PLXNC1: variants seen among roughly 807,000 people sequenced by gnomAD.
PLXNC1 encodes plexin C1, also known as plexin-C1.
PLXNC1 carries 75 observed loss-of-function variants against 178.2 expected under a neutral mutation model. The observed-to-expected ratio is 0.42, with a 90% confidence interval of 0.35 to 0.51. The LOEUF is 0.51. Ranked by LOEUF, PLXNC1 falls within the 20% of genes least tolerant of loss-of-function variation. The pLI, the probability that PLXNC1 is intolerant of heterozygous loss-of-function variation, is 0.02. For missense variants in PLXNC1, 1,503 were observed against 1,984.4 expected (o/e 0.76, Z 4.61); for synonymous variants, 790 against 779.9 (o/e 1.01, Z -0.22).
At chr12:94,191,599 C>T (rs1176593531) in intron 4 of PLXNC1, among the ~76,000 whole-genome samples, 1 of 152,034 alleles carries the variant, frequency 6.6e-6, no homozygotes, top group African/African-American at 2.4e-5. Context: ...GCCTGGCCAA[C>T]ATGGTGAAAC....
At chr12:94,209,835 C>A (rs1963413150) in intron 5 of PLXNC1, 131 bp downstream of exon 5, 1 of 605,264 alleles carries the variant, frequency 1.7e-6, no homozygotes. Flanking sequence ...ATTCATTTAG[C>A]ACTCATTAAC....
chr12:94,191,230 A>G (rs1170194127), intron 4 of PLXNC1, among the ~76,000 whole-genome samples: 3 of 152,202 alleles, frequency 2.0e-5, no homozygotes, highest in South Asian at 2.1e-4. Flanking sequence ...CTGGCCTACA[A>G]TGAAATGAAA....
intron 7 of PLXNC1, among the ~76,000 whole-genome samples, chr12:94,224,673 G>A (rs1333883496): frequency 6.6e-6 from 1 of 152,180 alleles, no homozygotes; most frequent in African/African-American, 2.4e-5. Context: ...GGAGGCTGAG[G>A]TGGGCAGATC....
At chr12:94,249,451 C>T (rs1964617708) in intron 14 of PLXNC1, among the ~76,000 whole-genome samples, 1 of 152,110 alleles carries the variant, frequency 6.6e-6, no homozygotes, top group Non-Finnish European at 1.5e-5. Flanking sequence ...GCTGGCTGGT[C>T]CCAAACTCCT....
rs190542049 is a variant in PLXNC1, at chr12:94,213,052, G to T, written c.1554+3348G>T. 1.6e-3 allele frequency among the ~76,000 whole-genome samples: 242 copies of T among 152,322 alleles called. 1 individual carries two copies. Among genetic ancestry groups the T allele is most frequent in the African/African-American group, 5.5e-3 (228 of 41,574 alleles). ...ACATTTCCTTAATCCAGTCTATCAT[G>T]GATGGACATTTGGGTTGGTTCCAAG... On this transcript the variant is annotated intron_variant, in intron 5 of 30. Coordinates refer to ENST00000258526, the MANE Select transcript of PLXNC1 (RefSeq NM_005761.3).
intron 5 of PLXNC1, among the ~76,000 whole-genome samples, chr12:94,211,623 A>G (rs1565811953): frequency 1.3e-5 from 2 of 152,166 alleles, no homozygotes; most frequent in African/African-American, 2.4e-5. Context: ...CCTCCATATA[A>G]TAAGAACCTC....
chr12:94,160,947 T>C (rs1340029836), intron 1 of PLXNC1, among the ~76,000 whole-genome samples: 1 of 152,250 alleles, frequency 6.6e-6, no homozygotes, highest in Non-Finnish European at 1.5e-5. Context: ...CTTTGAGATA[T>C]CTGCAACAAC....
intron 17 of PLXNC1, among the ~76,000 whole-genome samples, chr12:94,256,876 C>T (rs76052594): frequency 0.058 from 7,922 of 136,626 alleles, 282 homozygotes; most frequent in Non-Finnish European, 0.067. Context: ...ATCCCAGGAA[C>T]AATGCTACCT....
intron 4 of PLXNC1, among the ~76,000 whole-genome samples, chr12:94,207,134 TAC>T (rs1181699137): frequency 6.6e-6 from 1 of 152,256 alleles, no homozygotes; most frequent in African/African-American, 2.4e-5. Flanking sequence ...CATCTGGTTA[TAC>T]ATACTTGGTG....
At chr12:94,160,317 T>C (rs1473634206) in intron 1 of PLXNC1, among the ~76,000 whole-genome samples, 1 of 152,150 alleles carries the variant, frequency 6.6e-6, no homozygotes, top group Non-Finnish European at 1.5e-5. Context: ...ATAGTGATTA[T>C]AGCATGGTGA....
chr12:94,264,087 C>A (rs1238666958), intron 20 of PLXNC1, among the ~76,000 whole-genome samples: 2 of 152,088 alleles, frequency 1.3e-5, no homozygotes, highest in African/African-American at 4.8e-5. Context: ...ACTTTGACTT[C>A]CCAGCCACGG....
Position 94,259,675 on chromosome 12 carries a change from C to T in PLXNC1, c.3192C>T (p.Ser1064=), listed in dbSNP as rs1249307305. The T allele has an allele frequency of 6.2e-7, 1 of 1,612,180 alleles. No individual in the cohort carries two copies. The highest frequency in any genetic ancestry group is 2.2e-5 in the East Asian group (1 of 44,818). The stretch of plus-strand genomic sequence containing the variant: ...TGGATGCCCTAATCTGTAATAAAAG[C>T]TTTCTTGTTACTGTCATCCACACCC... The part of the protein sequence containing the change: ...TALDALICNK[S]FLVTVIHTLE... Residue 1064 remains serine (S), a synonymous_variant, in exon 19 of 31, where the codon AGC becomes AGT. Coordinates refer to ENST00000258526, the MANE Select transcript of PLXNC1 (RefSeq NM_005761.3).
chr12:94,304,646 C>T (rs1240392155), intron 30 of PLXNC1, among the ~76,000 whole-genome samples: 1 of 152,090 alleles, frequency 6.6e-6, no homozygotes, highest in African/African-American at 2.4e-5. Context: ...GAGAATAGCT[C>T]ACCAATTCCA....
intron 17 of PLXNC1, among the ~76,000 whole-genome samples, chr12:94,258,855 G>C (rs1964923639): frequency 6.6e-6 from 1 of 152,270 alleles, no homozygotes; most frequent in Non-Finnish European, 1.5e-5. Context: ...AACCCAAGTA[G>C]TTTGGTCCAG....
intron 4 of PLXNC1, chr12:94,186,709 T>C: frequency 2.2e-6 from 1 of 456,524 alleles, no homozygotes; most frequent in Non-Finnish European, 4.1e-6. Flanking sequence ...GGGGCAGGTG[T>C]GCAGCCTTCA....
intron 20 of PLXNC1, among the ~76,000 whole-genome samples, chr12:94,261,113 A>C (rs949097369): frequency 2.0e-5 from 3 of 152,194 alleles, no homozygotes; most frequent in African/African-American, 7.2e-5. Flanking sequence ...CCCAGAGCCC[A>C]GTCAGCCCAT....
Position 94,265,265 on chromosome 12 carries a change from A to C in PLXNC1, c.3597+40A>C, listed in dbSNP as rs557221183. ...AAGCTCCCAGCCAGACTCCCAAATAAATCTGGCGGGGAATTAGAGGGTGAG... is the reference window on the plus strand; with the variant it reads ...AAGCTCCCAGCCAGACTCCCAAATACATCTGGCGGGGAATTAGAGGGTGAG... On this transcript the variant is annotated intron_variant, in intron 21 of 30. Coordinates refer to ENST00000258526, the MANE Select transcript of PLXNC1 (RefSeq NM_005761.3). 27 of 1,562,668 alleles carry C rather than the reference A, an allele frequency of 1.7e-5. No individual in the cohort carries two copies. The East Asian group carries it at 6.1e-4, about 35-fold the overall frequency.
intron 4 of PLXNC1, among the ~76,000 whole-genome samples, chr12:94,197,296 C>A (rs1470155280): frequency 2.6e-5 from 4 of 152,118 alleles, no homozygotes; most frequent in Non-Finnish European, 5.9e-5. Context: ...AGAGGTGGAA[C>A]CTTTCGGACG....
intron 21 of PLXNC1, among the ~76,000 whole-genome samples, chr12:94,276,259 G>C (rs1965948909): frequency 6.6e-6 from 1 of 152,152 alleles, no homozygotes; most frequent in East Asian, 1.9e-4. Flanking sequence ...AACTGAAGTA[G>C]CTTAACTGCA....
Sources: allele counts gnomAD v4.1 joint callset (sites outside exome capture counted in the v4.1 genomes callset), GRCh38; gene constraint gnomAD v4.1.1; transcripts MANE v1.5; gene names NCBI Gene and HGNC (gene_info 2026-07-23, HGNC 2026-07-21).